The following MTUS2 variants were observed in gnomAD, a reference collection of about 807,000 sequenced individuals.
MTUS2 encodes microtubule-associated tumor suppressor candidate 2.
In MTUS2, 40 loss-of-function variants were observed where a neutral mutation model predicts 114.1. The ratio of observed to expected loss-of-function variants is 0.35; its 90% CI spans 0.27 to 0.46. MTUS2 has a LOEUF of 0.46. Among genes scored for constraint, MTUS2 ranks in the 20% least tolerant of loss-of-function variants. The pLI is 1.00. For missense variants in MTUS2, 1,679 were observed against 1,705.4 expected (o/e 0.98, Z 0.27); for synonymous variants, 688 against 672.0 (o/e 1.02, Z -0.37).
At position 28,950,681 on chromosome 13, in the gene MTUS2, T is replaced by C. The variant is rs186118174; in HGVS notation, c.-242-73776T>C. Among the ~76,000 whole-genome samples, 66 of 152,318 alleles carry C rather than the reference T, an allele frequency of 4.3e-4. No individual in the cohort carries two copies. The Middle Eastern group carries it at 0.02, about 47-fold the overall frequency. On this transcript the variant is annotated intron_variant, in intron 2 of 15. Transcript: ENST00000612955. The stretch of plus-strand genomic sequence containing the variant: ...CAGTCAGAACAAACATATTTATCAA[T>C]TAAGTTTGCCATCTTATATGGGCAT...
intron 2 of MTUS2, among the ~76,000 whole-genome samples, chr13:28,969,477 G>A (rs11839702): frequency 0.053 from 8,079 of 151,850 alleles, 282 homozygotes; most frequent in African/African-American, 0.082. Context: ...TTATTTTTGA[G>A]ATGAAGTTTT....
chr13:28,984,565 C>T (rs190407703), intron 2 of MTUS2, among the ~76,000 whole-genome samples: 4 of 152,276 alleles, frequency 2.6e-5, no homozygotes, highest in East Asian at 1.9e-4. Flanking sequence ...AGCGTGCCTA[C>T]GATAGAGTTG....
intron 2 of MTUS2, among the ~76,000 whole-genome samples, chr13:28,903,282 C>CT (rs1593285926): frequency 6.6e-6 from 1 of 151,628 alleles, no homozygotes; most frequent in South Asian, 2.1e-4. Flanking sequence ...TATTATTATG[C>CT]TTTAAGTTTT....
At chr13:28,842,791 G>A (rs573435222) in intron 2 of MTUS2, among the ~76,000 whole-genome samples, 1 of 152,322 alleles carries the variant, frequency 6.6e-6, no homozygotes, top group Non-Finnish European at 1.5e-5. Context: ...TGTGCTTGAT[G>A]TGTGCTTAAT....
intron 8 of MTUS2, among the ~76,000 whole-genome samples, chr13:29,431,426 T>A (rs1876981565): frequency 1.3e-5 from 2 of 152,188 alleles, no homozygotes; most frequent in Admixed American, 1.3e-4. Flanking sequence ...GATAATTGGT[T>A]TGGTTGTATT....
In MTUS2 at chr13:29,025,427, T is replaced by C. The variant is rs200711437; in HGVS notation, c.729T>C (p.His243=). ...CCTCAGAGGGAAAGAGTGTGCGTCATCCTAAACCATCTACCTCAGAAAGCA... is the reference window on the plus strand; with the variant it reads ...CCTCAGAGGGAAAGAGTGTGCGTCACCCTAAACCATCTACCTCAGAAAGCA... ...DSTSEGKSVR[H]PKPSTSESKQ... is the part of the protein sequence containing the mutation. The change falls in exon 3 of 16, where the codon CAT becomes CAC. Residue 243 remains histidine (H), a synonymous_variant. Transcript: ENST00000612955. 1.8e-4 allele frequency: 296 copies of C among 1,612,138 alleles called. No homozygotes were observed. Among genetic ancestry groups the C allele is most frequent in the Non-Finnish European group, 2.4e-4 (282 of 1,179,316 alleles).
At chr13:29,416,958 C>T (rs1432317275) in intron 8 of MTUS2, among the ~76,000 whole-genome samples, 2 of 152,166 alleles carry the variant, frequency 1.3e-5, no homozygotes, top group African/African-American at 2.4e-5. Flanking sequence ...TTTCAATTAT[C>T]TGAAAAGTTT....
At chr13:29,266,582 G>T (rs1422815606) in intron 5 of MTUS2, among the ~76,000 whole-genome samples, 1 of 152,080 alleles carries the variant, frequency 6.6e-6, no homozygotes, top group East Asian at 1.9e-4. Flanking sequence ...CCTGCATATT[G>T]TTTTCAAAAA....
chr13:29,384,708 A>G (rs947964801), intron 8 of MTUS2, among the ~76,000 whole-genome samples: 1 of 152,186 alleles, frequency 6.6e-6, no homozygotes, highest in African/African-American at 2.4e-5. Flanking sequence ...CAGGGTACAC[A>G]CTGCTGACGT....
Position 29,025,816 on chromosome 13 carries a change from TG to T in MTUS2, c.1121del (p.Gly374GlufsTer30), listed in dbSNP as rs1452171559. 6.2e-7 allele frequency: 1 copy of T among 1,613,606 alleles called. No homozygotes were observed. Among genetic ancestry groups the T allele is most frequent in the Non-Finnish European group, 8.5e-7 (1 of 1,179,834 alleles). ...LLNSDLHHLG[V>X]GRGNCEEKRG... is the part of the protein sequence containing the mutation. Reference sequence around the variant, plus strand: ...AACAGTGACCTCCACCACCTTGGGGTGGGAAGAGGCAACTGTGAAGAGAAGA... The same window carrying T: ...AACAGTGACCTCCACCACCTTGGGGTGGAAGAGGCAACTGTGAAGAGAAGA... On this transcript the variant is annotated frameshift_variant, in exon 3 of 16. Coordinates refer to ENST00000612955, the MANE Select transcript of MTUS2 (RefSeq NM_001033602.4). LOFTEE classifies it high-confidence loss of function.
At chr13:29,104,400 A>G (rs1016438560) in intron 5 of MTUS2, among the ~76,000 whole-genome samples, 1 of 151,774 alleles carries the variant, frequency 6.6e-6, no homozygotes, top group African/African-American at 2.4e-5. Flanking sequence ...GCATGATTTG[A>G]ATATATTTTC....
intron 9 of MTUS2, among the ~76,000 whole-genome samples, chr13:29,475,507 A>T: frequency 6.6e-6 from 1 of 152,198 alleles, no homozygotes; most frequent in Non-Finnish European, 1.5e-5. Flanking sequence ...AGGAGATGAC[A>T]GCTCCATGGA....
chr13:29,374,244 A>G (rs912863302), intron 8 of MTUS2, among the ~76,000 whole-genome samples: 5 of 152,240 alleles, frequency 3.3e-5, no homozygotes, highest in Non-Finnish European at 5.9e-5. Flanking sequence ...TAGGCGTTCC[A>G]GAGAGAAGAA....
At chr13:29,130,520 C>T (rs761680911) in intron 5 of MTUS2, among the ~76,000 whole-genome samples, 3 of 152,176 alleles carry the variant, frequency 2.0e-5, no homozygotes, top group Non-Finnish European at 4.4e-5. Context: ...ACAACCTTTG[C>T]CTTCTGCCCC....
At chr13:29,246,603 C>A (rs1026828271) in intron 5 of MTUS2, among the ~76,000 whole-genome samples, 1 of 152,224 alleles carries the variant, frequency 6.6e-6, no homozygotes, top group African/African-American at 2.4e-5. Context: ...GGCTTCTTTT[C>A]TCCCAAGATG....
intron 8 of MTUS2, among the ~76,000 whole-genome samples, chr13:29,394,951 C>G (rs1410802818): frequency 6.6e-6 from 1 of 152,154 alleles, no homozygotes; most frequent in Non-Finnish European, 1.5e-5. Flanking sequence ...AAAAATTGCC[C>G]CTTTCACGAA....
intron 8 of MTUS2, among the ~76,000 whole-genome samples, chr13:29,403,641 T>C (rs1302565249): frequency 9.9e-5 from 15 of 152,190 alleles, no homozygotes; most frequent in Admixed American, 9.8e-4. Context: ...CCTGACTGCC[T>C]GTGAAGTGGG....
chr13:29,278,051 G>A (rs1898130791), intron 5 of MTUS2, among the ~76,000 whole-genome samples: 1 of 152,186 alleles, frequency 6.6e-6, no homozygotes, highest in African/African-American at 2.4e-5. Flanking sequence ...AGCTGGCTTG[G>A]CAGATAATGC....
chr13:29,273,676 G>A (rs1257081057), intron 5 of MTUS2, among the ~76,000 whole-genome samples: 1 of 152,098 alleles, frequency 6.6e-6, no homozygotes, highest in Non-Finnish European at 1.5e-5. Context: ...CACCCCAGAA[G>A]GAAACCCTGA....
Sources: allele counts gnomAD v4.1 joint callset (sites outside exome capture counted in the v4.1 genomes callset), GRCh38; gene constraint gnomAD v4.1.1; transcripts MANE v1.5; gene names NCBI Gene and HGNC (gene_info 2026-07-23, HGNC 2026-07-21).